Variants in TAF6 observed in about 807,000 individuals in gnomAD.
TAF6 encodes TATA-box binding protein associated factor 6, also known as transcription initiation factor TFIID subunit 6.
TAF6 carries 50 observed loss-of-function variants against 73.5 expected under a neutral mutation model. The observed-to-expected ratio is 0.68, with a 90% CI of 0.54 to 0.86. The LOEUF (loss-of-function observed/expected upper bound fraction) is 0.86, where lower values mean the gene tolerates loss of function less well. Among genes scored for constraint, TAF6 ranks in the 40% least tolerant of loss-of-function variants. The pLI is 0.00. For missense variants in TAF6, 768 were observed against 899.5 expected (o/e 0.85, Z 1.87); for synonymous variants, 424 against 376.7 (o/e 1.13, Z -1.45).
rs989765512 is a variant in TAF6 at position 100,119,296 on chromosome 7, G to A, written c.-152C>T. The A allele has an allele frequency of 3.9e-6, 4 of 1,024,422 alleles. No homozygotes were observed. Among genetic ancestry groups the A allele is most frequent in the Non-Finnish European group, 4.7e-6 (4 of 851,904 alleles). 63.5% of individuals were successfully genotyped at this position (1,024,422 alleles called of 1,614,324 possible). A position where few individuals can be genotyped will look rare whatever the true frequency, so the allele number is the denominator to read the frequency against. On this transcript the variant is annotated 5_prime_UTR_variant, in exon 1 of 15. Transcript: ENST00000453269. ...CCCGCCACCCGAGCGCGGGGAGCAG[G>A]AAAACTCTAGCGGCAGCCGAGACGC...
chr7:100,124,544 A>G (rs751721241), upstream of TAF6: 2 of 1,612,952 alleles, frequency 1.2e-6, no homozygotes, highest in African/African-American at 1.3e-5. Flanking sequence ...GTTTGAAGAC[A>G]TTGTGGGAGA....
intron 14 of TAF6, 124 bp from the exon 15 acceptor site, chr7:100,107,747 C>T: frequency 2.1e-6 from 3 of 1,450,894 alleles, no homozygotes; most frequent in Non-Finnish European, 1.8e-6. Flanking sequence ...CTGTAGACAG[C>T]TATGGCTGGA....
At chr7:100,110,374 C>CATT in intron 10 of TAF6, 100 bp from the exon 11 acceptor site, 1 of 1,370,546 alleles carries the variant, frequency 7.3e-7, no homozygotes, top group Non-Finnish European at 1.0e-6. Context: ...ATCATTAAGA[C>CATT]ATTACAATGA....
At chr7:100,120,972 G>A (rs1198243562), upstream of TAF6, among the ~76,000 whole-genome samples, 2 of 151,220 alleles carry the variant, frequency 1.3e-5, no homozygotes, top group Non-Finnish European at 1.5e-5. Flanking sequence ...ATAACTGCAG[G>A]ATAACAGTGA....
chr7:100,114,890 CTGT>C (rs751871504), intron 1 of TAF6, among the ~76,000 whole-genome samples: 17 of 152,086 alleles, frequency 1.1e-4, no homozygotes, highest in Non-Finnish European at 1.9e-4. Flanking sequence ...AGGCACAGGG[CTGT>C]TGTTCTAGCT....
Position 100,112,128 on chromosome 7 carries a change from A to AGCCCACGCAGGC in TAF6, c.688_699dup (p.Ala230_Gly233dup). ...CTCACCGCCCTCTTGGCCTCGCAGG[A>AGCCCACGCAGGC]GCCCACGCAGGCCTCGGTGATCTCC... On this transcript the variant is annotated inframe_insertion, in exon 7 of 15. Coordinates refer to ENST00000453269, the MANE Select transcript of TAF6 (RefSeq NM_139315.3). 6.2e-7 allele frequency: 1 copy of AGCCCACGCAGGC among 1,613,778 alleles called. No individual in the cohort carries two copies. The highest frequency in any genetic ancestry group is 8.5e-7 in the Non-Finnish European group (1 of 1,179,860).
the TAF6 span, chr7:100,125,218 G>A: frequency 1.5e-5 from 4 of 266,602 alleles, no homozygotes; most frequent in East Asian, 2.8e-4. Context: ...GGAGCTGTGG[G>A]CTTTGGGGAA....
At chr7:100,107,872 GCT>G (rs1796710728) in intron 14 of TAF6, 52 bp downstream of exon 14, 1 of 1,553,870 alleles carries the variant, frequency 6.4e-7, no homozygotes, top group Admixed American at 1.8e-5. Flanking sequence ...TCCCCAGGGT[GCT>G]CTGAGGTAAC....
In TAF6 at chr7:100,112,209, G is replaced by A. The variant is rs991960905; in HGVS notation, c.619C>T (p.Arg207Ter). 6 of 1,614,140 alleles carry A rather than the reference G, an allele frequency of 3.7e-6. No homozygotes were observed. The highest frequency in any genetic ancestry group is 4.5e-5 in the East Asian group (2 of 44,884). The change falls in exon 7 of 15, where the codon CGA becomes TGA. Residue 207 changes from arginine to a stop codon, truncating the protein, a stop_gained. Transcript: ENST00000453269. LOFTEE classifies it high-confidence loss of function. ...TCGTGGATGCTCCGGGGCTTCAGTC[G>A]CAAGGGGGCCCCCTCCAGCAAGGGC... ...APPLLEGAPL[R>*]LKPRSIHELS...
chr7:100,107,743 A>G (rs1023622822), intron 14 of TAF6, 120 bp from the exon 15 acceptor site: 2 of 1,461,552 alleles, frequency 1.4e-6, no homozygotes, highest in African/African-American at 1.4e-5. Context: ...CACCCTGTAG[A>G]CAGCTATGGC....
upstream of TAF6, chr7:100,119,813 G>A (rs1797972453): frequency 1.9e-6 from 3 of 1,613,996 alleles, no homozygotes; most frequent in Non-Finnish European, 2.5e-6. Flanking sequence ...GGGCTGGGAT[G>A]TTGAAGGAGG....
chr7:100,122,366 C>T (rs760019677), upstream of TAF6: 7 of 1,614,042 alleles, frequency 4.3e-6, no homozygotes, highest in African/African-American at 9.3e-5. Flanking sequence ...GAGGAAGAGA[C>T]ACGTGCCTTA....
At chr7:100,111,438 A>C in intron 9 of TAF6, 117 bp from the exon 10 acceptor site, 1 of 1,259,374 alleles carries the variant, frequency 7.9e-7, no homozygotes, top group Non-Finnish European at 1.1e-6. Context: ...CTGCAGCATC[A>C]ATCTCCCGGG....
At chr7:100,110,909 G>A (rs191729197) in intron 10 of TAF6, among the ~76,000 whole-genome samples, 1 of 152,022 alleles carries the variant, frequency 6.6e-6, no homozygotes, top group East Asian at 1.9e-4. Flanking sequence ...TTGAACCCAG[G>A]AGGCAGAGGG....
chr7:100,111,962 T>TA lies in TAF6; in HGVS notation c.757dup (p.Tyr253LeufsTer51). ...GGTACTGAACCGTGGCAGCATCTGA[T>TA]ACAGTCCAGGGTCCGTGGCAATGCT... On this transcript the variant is annotated frameshift_variant, in exon 8 of 15. Transcript: ENST00000453269. LOFTEE classifies it high-confidence loss of function. The TA allele has an allele frequency of 2.5e-6, 4 of 1,613,898 alleles. No homozygotes were observed. The highest frequency in any genetic ancestry group is 3.4e-6 in the Non-Finnish European group (4 of 1,179,984).
intron 1 of TAF6, among the ~76,000 whole-genome samples, chr7:100,117,309 T>C (rs1490537722): frequency 6.7e-6 from 1 of 148,316 alleles, no homozygotes; most frequent in Middle Eastern, 3.2e-3. Flanking sequence ...TTCACTCTTG[T>C]TGTCCAGGCT....
upstream of TAF6, chr7:100,119,657 G>T (rs905545790): frequency 1.2e-6 from 2 of 1,610,690 alleles, no homozygotes; most frequent in African/African-American, 1.3e-5. Context: ...ATTTAAGGTT[G>T]CCGCTAGCCG....
In TAF6 at chr7:100,113,844, C is replaced by A. The variant is rs571732481; in HGVS notation, c.243+24G>T. 1.5e-4 allele frequency: 241 copies of A among 1,612,684 alleles called. No homozygotes were observed. In the African/African-American group the frequency reaches 2.7e-3, roughly 18 times the overall value. On this transcript the variant is annotated intron_variant, in intron 3 of 14. Coordinates refer to ENST00000453269, the MANE Select transcript of TAF6 (RefSeq NM_139315.3). Reference sequence around the variant, plus strand: ...GGCTGAAGGATGGCGTCTCACCCCCCCCCCGCCTGTCTCCCCAAATCACCT... The same window carrying A: ...GGCTGAAGGATGGCGTCTCACCCCCACCCCGCCTGTCTCCCCAAATCACCT...
intron 1 of TAF6, chr7:100,118,910 G>A: frequency 1.0e-6 from 1 of 985,280 alleles, no homozygotes; most frequent in Non-Finnish European, 1.2e-6. Flanking sequence ...TACAAGAGGG[G>A]GTCGTGTCCC....
Sources: allele counts gnomAD v4.1 joint callset (sites outside exome capture counted in the v4.1 genomes callset), GRCh38; gene constraint gnomAD v4.1.1; transcripts MANE v1.5; gene names NCBI Gene and HGNC (gene_info 2026-07-23, HGNC 2026-07-21).